Variants in SLC24A2 observed in about 807,000 individuals in gnomAD.
SLC24A2 encodes sodium/potassium/calcium exchanger 2.
Under a neutral mutation model 62.0 loss-of-function variants are expected in SLC24A2, and 36 were observed. That is an observed-to-expected ratio of 0.58 (90% CI 0.44 to 0.77). The LOEUF is 0.77. Among genes scored for constraint, SLC24A2 ranks in the 30% least tolerant of loss-of-function variants. The pLI is 0.00. For missense variants in SLC24A2, 846 were observed against 817.9 expected, an observed-to-expected ratio of 1.03 and a Z score of -0.42; for synonymous variants, 358 against 294.0, an observed-to-expected ratio of 1.22 and a Z score of -2.23.
At chr9:19,775,726 C>T (rs557524065) in intron 2 of SLC24A2, among the ~76,000 whole-genome samples, 17 of 152,294 alleles carry the variant, frequency 1.1e-4, no homozygotes, top group Non-Finnish European at 1.0e-4. Flanking sequence ...GACACCTTTG[C>T]GGAATTAAGA....
At chr9:20,237,471 C>A in the SLC24A2 span, among the ~76,000 whole-genome samples, 50 of 152,272 alleles carry the variant, frequency 3.3e-4, no homozygotes, top group African/African-American at 1.2e-3. Flanking sequence ...TAAACCACCT[C>A]TCTCAAAGCT....
the SLC24A2 span, among the ~76,000 whole-genome samples, chr9:19,954,226 C>T: frequency 6.6e-6 from 1 of 151,784 alleles, no homozygotes; most frequent in African/African-American, 2.4e-5. Flanking sequence ...CCTTGTATTC[C>T]CTGAGATATC....
At chr9:19,706,861 C>G (rs1221694667) in intron 2 of SLC24A2, among the ~76,000 whole-genome samples, 1 of 151,836 alleles carries the variant, frequency 6.6e-6, no homozygotes, top group Admixed American at 6.6e-5. Flanking sequence ...AAAGCAAGAG[C>G]AAACACATTC....
chr9:19,773,195 G>T (rs139101017), intron 2 of SLC24A2, among the ~76,000 whole-genome samples: 1 of 152,244 alleles, frequency 6.6e-6, no homozygotes, highest in East Asian at 1.9e-4. Flanking sequence ...TGTGTACAGG[G>T]TTTCTTTTTG....
chr9:19,840,697 G>C, the SLC24A2 span, among the ~76,000 whole-genome samples: 1 of 152,040 alleles, frequency 6.6e-6, no homozygotes, highest in Non-Finnish European at 1.5e-5. Flanking sequence ...GTTTTGACAA[G>C]CGCATATTTC....
the SLC24A2 span, among the ~76,000 whole-genome samples, chr9:20,274,583 G>T: frequency 3.9e-5 from 6 of 152,142 alleles, no homozygotes; most frequent in Non-Finnish European, 7.4e-5. Context: ...AGAGTTCACA[G>T]GTAAAGGGAA....
the SLC24A2 span, among the ~76,000 whole-genome samples, chr9:20,244,863 TA>T: frequency 6.6e-6 from 1 of 152,062 alleles, no homozygotes; most frequent in Admixed American, 6.5e-5. Context: ...TCTCTTATTT[TA>T]AAAAAAATCT....
chr9:19,863,015 C>T, the SLC24A2 span, among the ~76,000 whole-genome samples: 20 of 151,902 alleles, frequency 1.3e-4, no homozygotes, highest in Non-Finnish European at 2.7e-4. Context: ...CACACTTCAC[C>T]TATAAAGACA....
intron 2 of SLC24A2, among the ~76,000 whole-genome samples, chr9:19,709,510 G>A (rs1768278670): frequency 6.6e-6 from 1 of 151,920 alleles, no homozygotes; most frequent in Non-Finnish European, 1.5e-5. Flanking sequence ...CAACCCAAAT[G>A]TCCAACAACG....
At chr9:20,124,041 G>A in the SLC24A2 span, among the ~76,000 whole-genome samples, 1 of 152,156 alleles carries the variant, frequency 6.6e-6, no homozygotes, top group Non-Finnish European at 1.5e-5. Flanking sequence ...ATGAAAAGTT[G>A]TTTTGTGAAT....
the SLC24A2 span, among the ~76,000 whole-genome samples, chr9:20,049,216 T>G: frequency 6.6e-6 from 1 of 151,784 alleles, no homozygotes; most frequent in Admixed American, 6.6e-5. Context: ...AAGGGGATTC[T>G]TTTCTATTTT....
At chr9:19,569,534 G>A (rs1294839014) in intron 7 of SLC24A2, among the ~76,000 whole-genome samples, 2 of 152,028 alleles carry the variant, frequency 1.3e-5, no homozygotes, top group Admixed American at 1.3e-4. Flanking sequence ...TCCCCTCCAC[G>A]TCTATCACAC....
At chr9:19,594,552 T>G (rs995621714) in intron 5 of SLC24A2, among the ~76,000 whole-genome samples, 48 of 151,848 alleles carry the variant, frequency 3.2e-4, no homozygotes, top group Admixed American at 2.5e-3. Context: ...TCACACAACA[T>G]CCAGAGAATT....
In SLC24A2 at chr9:19,510,519, G is replaced by A. The variant is rs1356653892; in HGVS notation, c.*5634C>T. The A allele has an allele frequency of 5.3e-5, 8 of 151,212 alleles. No homozygotes were observed. The highest frequency in any genetic ancestry group is 1.2e-4 in the Non-Finnish European group (8 of 67,914). The allele number at this position is 151,212 out of a possible 1,614,324, so 9.4% of individuals were successfully genotyped here. A position where few individuals can be genotyped will look rare whatever the true frequency, so the allele number is the denominator to read the frequency against. ...TTGGAGGGAGGCTTTTCTTGATGCT[G>A]ATGGTTGTTAATCATTGAGCTGGGT... On this transcript the variant is annotated 3_prime_UTR_variant, in exon 11 of 11. Coordinates refer to ENST00000341998, the MANE Select transcript of SLC24A2 (RefSeq NM_020344.4).
At chr9:20,116,424 C>T in the SLC24A2 span, among the ~76,000 whole-genome samples, 2 of 152,120 alleles carry the variant, frequency 1.3e-5, no homozygotes, top group African/African-American at 4.8e-5. Context: ...GCCCAGAAAA[C>T]AAGACCAGGT....
Position 19,662,017 on chromosome 9 carries a change from G to A in SLC24A2, c.931-39718C>T, listed in dbSNP as rs577769847. 4.6e-5 allele frequency among the ~76,000 whole-genome samples: 7 copies of A among 152,268 alleles called. No homozygotes were observed. In the South Asian group the frequency reaches 1.5e-3, roughly 32 times the overall value. ...ACCTGAGCCTTACTCATTCTTTACA[G>A]TAGTGTTCAAGCTCCATGTCCTTCT... On this transcript the variant is annotated intron_variant, in intron 2 of 10. Transcript: ENST00000341998.
chr9:19,984,401 T>C, the SLC24A2 span, among the ~76,000 whole-genome samples: 2 of 152,192 alleles, frequency 1.3e-5, no homozygotes, highest in East Asian at 1.9e-4. Context: ...GAAATAGAAT[T>C]GGAAAGTCCA....
the SLC24A2 span, among the ~76,000 whole-genome samples, chr9:20,236,796 A>G: frequency 6.6e-6 from 1 of 152,132 alleles, no homozygotes; most frequent in Non-Finnish European, 1.5e-5. Context: ...CTGTTTGCAT[A>G]GTGGACTACA....
the SLC24A2 span, among the ~76,000 whole-genome samples, chr9:19,918,920 G>A: frequency 2.0e-5 from 3 of 152,182 alleles, no homozygotes; most frequent in South Asian, 2.1e-4. Context: ...AGGTACTGCT[G>A]CCAGATTACA....
Sources: allele counts gnomAD v4.1 joint callset (sites outside exome capture counted in the v4.1 genomes callset), GRCh38; gene constraint gnomAD v4.1.1; transcripts MANE v1.5; gene names NCBI Gene and HGNC (gene_info 2026-07-23, HGNC 2026-07-21).